The following AUTS2 variants were observed in gnomAD, a reference collection of about 807,000 sequenced individuals.
AUTS2 encodes the protein activator of transcription and developmental regulator AUTS2, also known as autism susceptibility gene 2 protein.
AUTS2 carries 17 observed loss-of-function variants against 112.4 expected under a neutral mutation model. The ratio of observed to expected loss-of-function variants is 0.15; its 90% confidence interval spans 0.10 to 0.23. AUTS2 has a LOEUF of 0.23. Ranked by LOEUF, AUTS2 falls within the 10% of genes least tolerant of loss-of-function variation. The pLI, the probability that AUTS2 is intolerant of heterozygous loss-of-function variation, is 1.00. For synonymous variants in AUTS2, 751 were observed against 702.7 expected, an observed-to-expected ratio of 1.07 and a Z score of -1.09; for missense variants, 1,510 against 1,701.6, an observed-to-expected ratio of 0.89 and a Z score of 1.98.
At chr7:70,290,121 A>G (rs1788642191) in intron 4 of AUTS2, among the ~76,000 whole-genome samples, 1 of 152,228 alleles carries the variant, frequency 6.6e-6, no homozygotes, top group Admixed American at 6.5e-5. Flanking sequence ...GATGTAGAAC[A>G]TTCAAACAAA....
At chr7:70,260,438 G>A (rs896552868) in intron 4 of AUTS2, among the ~76,000 whole-genome samples, 3 of 151,962 alleles carry the variant, frequency 2.0e-5, no homozygotes, top group Admixed American at 6.6e-5. Context: ...AGGCTGAAAA[G>A]TCTAAGGTAG....
chr7:70,725,557 T>TC (rs1786978896), intron 6 of AUTS2, among the ~76,000 whole-genome samples: 2 of 152,226 alleles, frequency 1.3e-5, no homozygotes, highest in African/African-American at 4.8e-5. Flanking sequence ...TTAACAAACT[T>TC]ACATGACAAA....
rs537598929 is a variant in AUTS2 at position 70,631,649 on chromosome 7, C to T, written c.691-66920C>T. Among the ~76,000 whole-genome samples the T allele has an allele frequency of 6.6e-6, 1 of 152,274 alleles. No homozygotes were observed. The highest frequency in any genetic ancestry group is 6.5e-5 in the Admixed American group (1 of 15,304). Reference sequence around the variant, plus strand: ...ATGGCCCAGCTGCAGAAAGTCATTCCTCACGAAGAAATGGGTGTGCAGAGA... The same window carrying T: ...ATGGCCCAGCTGCAGAAAGTCATTCTTCACGAAGAAATGGGTGTGCAGAGA... On this transcript the variant is annotated intron_variant, in intron 5 of 18. Coordinates refer to ENST00000342771, the MANE Select transcript of AUTS2 (RefSeq NM_015570.4). The surrounding 1 kb of genome is among the most constrained non-coding windows in gnomAD (Gnocchi z 4.5).
intron 5 of AUTS2, among the ~76,000 whole-genome samples, chr7:70,638,294 A>G (rs561620636): frequency 6.6e-6 from 1 of 152,140 alleles, no homozygotes; most frequent in Non-Finnish European, 1.5e-5. Flanking sequence ...CTTTCCCATG[A>G]CTTCCCGAAC....
At position 70,228,029 on chromosome 7, in the gene AUTS2, T is replaced by C. The variant is rs1030432698; in HGVS notation, c.660+93458T>C. ...TAGAGTGGTATATCACAGTCTCCAG[T>C]TATTTTTGCATTGTTTGTGTCTCCC... On this transcript the variant is annotated intron_variant, in intron 4 of 18. Coordinates refer to ENST00000342771, the MANE Select transcript of AUTS2 (RefSeq NM_015570.4). 3.3e-4 allele frequency among the ~76,000 whole-genome samples: 50 copies of C among 152,100 alleles called. 1 individual carries two copies. The highest frequency in any genetic ancestry group is 1.2e-3 in the African/African-American group (49 of 41,558).
intron 5 of AUTS2, among the ~76,000 whole-genome samples, chr7:70,588,779 A>C (rs915405251): frequency 6.6e-5 from 10 of 152,114 alleles, no homozygotes; most frequent in Non-Finnish European, 7.4e-5. Flanking sequence ...AGGCATTTGC[A>C]TCAAATAGTG....
At chr7:69,967,406 A>C (rs1399571447) in intron 2 of AUTS2, among the ~76,000 whole-genome samples, 2 of 152,070 alleles carry the variant, frequency 1.3e-5, no homozygotes, top group Non-Finnish European at 2.9e-5. Flanking sequence ...TTCTCTTGTC[A>C]GCCGGCCAAC....
At chr7:69,947,691 T>A (rs1796871144) in intron 2 of AUTS2, among the ~76,000 whole-genome samples, 1 of 152,234 alleles carries the variant, frequency 6.6e-6, no homozygotes, top group African/African-American at 2.4e-5. Flanking sequence ...GTTGCCATTT[T>A]AAAGATAAAT....
At chr7:70,730,226 T>TG (rs376493677) in intron 6 of AUTS2, among the ~76,000 whole-genome samples, 10 of 143,414 alleles carry the variant, frequency 7.0e-5, no homozygotes, top group Non-Finnish European at 9.1e-5. Flanking sequence ...AGTTTTTTTT[T>TG]TTGTTTTTTG....
In AUTS2 at chr7:70,609,354, T is replaced by C. The variant is rs189561359; in HGVS notation, c.691-89215T>C. 3.1e-3 allele frequency among the ~76,000 whole-genome samples: 470 copies of C among 151,824 alleles called. 1 individual carries two copies. The highest frequency in any genetic ancestry group is 4.7e-3 in the Non-Finnish European group (321 of 67,944). Reference sequence around the variant, plus strand: ...GCTTATTTCACTTGGTATAATGTTCTCCAAGTTCATCCATGTTGTCCCAGA... The same window carrying C: ...GCTTATTTCACTTGGTATAATGTTCCCCAAGTTCATCCATGTTGTCCCAGA... On this transcript the variant is annotated intron_variant, in intron 5 of 18. Coordinates refer to ENST00000342771, the MANE Select transcript of AUTS2 (RefSeq NM_015570.4).
chr7:70,461,809 C>G (rs1473924441), intron 5 of AUTS2, among the ~76,000 whole-genome samples: 1 of 152,126 alleles, frequency 6.6e-6, no homozygotes, highest in East Asian at 1.9e-4. Context: ...TCCGTGGCAC[C>G]TGGGGACAGG....
At chr7:70,061,854 C>A (rs1441332858) in intron 2 of AUTS2, among the ~76,000 whole-genome samples, 1 of 151,328 alleles carries the variant, frequency 6.6e-6, no homozygotes, top group African/African-American at 2.4e-5. Flanking sequence ...ATGGCGTGAT[C>A]TCAGGTCACT....
At chr7:70,375,551 A>T (rs549762653) in intron 4 of AUTS2, among the ~76,000 whole-genome samples, 2 of 152,378 alleles carry the variant, frequency 1.3e-5, no homozygotes, top group African/African-American at 4.8e-5. Context: ...CTTTTAATAA[A>T]GCAAAGTAAA....
intron 4 of AUTS2, among the ~76,000 whole-genome samples, chr7:70,211,854 C>A (rs1236359287): frequency 6.9e-6 from 1 of 143,982 alleles, no homozygotes; most frequent in Non-Finnish European, 1.5e-5. Flanking sequence ...GGCGTGATGG[C>A]GGGCGTCTGT....
chr7:69,862,914 C>A (rs1793055932), intron 1 of AUTS2, among the ~76,000 whole-genome samples: 1 of 152,156 alleles, frequency 6.6e-6, no homozygotes, highest in Admixed American at 6.5e-5. Flanking sequence ...TGCTGCCAAG[C>A]TGAGCTGTTT....
intron 1 of AUTS2, among the ~76,000 whole-genome samples, chr7:69,605,055 A>G (rs974359790): frequency 2.0e-5 from 3 of 152,264 alleles, no homozygotes; most frequent in Non-Finnish European, 4.4e-5. Flanking sequence ...TTTGAATATC[A>G]GAGAAGGCAA....
At chr7:70,781,509 C>A in intron 14 of AUTS2, 106 bp from the exon 15 acceptor site, 1 of 1,375,892 alleles carries the variant, frequency 7.3e-7, no homozygotes, top group Non-Finnish European at 9.8e-7. Flanking sequence ...TGTTTGTAAA[C>A]TTGAACCCAA....
Position 70,555,050 on chromosome 7 carries a change from A to G in AUTS2, c.690+119269A>G, listed in dbSNP as rs1801190825. ...GGACACTGTGAATGCAGAGATGGAT[A>G]AAATATGTCCTTTAGCTGATGGAGA... On this transcript the variant is annotated intron_variant, in intron 5 of 18. Coordinates refer to ENST00000342771, the MANE Select transcript of AUTS2 (RefSeq NM_015570.4). Among the ~76,000 whole-genome samples the G allele has an allele frequency of 2.0e-5, 3 of 152,234 alleles. No homozygotes were observed. In the South Asian group the frequency reaches 6.2e-4, roughly 31 times the overall value.
chr7:70,166,626 G>T (rs1447425170), intron 4 of AUTS2, among the ~76,000 whole-genome samples: 1 of 151,626 alleles, frequency 6.6e-6, no homozygotes, highest in African/African-American at 2.4e-5. Context: ...TAAAGTACAA[G>T]ATATAATTAA....
Sources: gnomAD v4.1 joint callset for allele counts (sites outside exome capture counted in the v4.1 genomes callset) on GRCh38, gnomAD v4.1.1 for gene constraint, Gnocchi (gnomAD v3.1) non-coding constraint, MANE v1.5 for transcripts, NCBI Gene and HGNC (gene_info 2026-07-23, HGNC 2026-07-21) for gene names.